The following FCRL1 variants were observed in gnomAD, a reference collection of about 807,000 sequenced individuals.
FCRL1 encodes the protein Fc receptor-like protein 1.
A neutral mutation model predicts 49.2 loss-of-function variants in FCRL1; 34 were observed. The observed-to-expected ratio is 0.69, with a 90% CI of 0.53 to 0.92. FCRL1 has a LOEUF of 0.92. Ranked by LOEUF, FCRL1 falls within the 40% of genes least tolerant of loss-of-function variation. The pLI, the probability that FCRL1 is intolerant of heterozygous loss-of-function variation, is 0.00. For missense variants in FCRL1, 524 were observed against 524.1 expected, an observed-to-expected ratio of 1.00 and a Z score of 0.00; for synonymous variants, 218 against 201.6, an observed-to-expected ratio of 1.08 and a Z score of -0.69.
chr1:157,803,813 T>G (rs1448326571), intron 3 of FCRL1, 32 bp downstream of exon 3: 1 of 1,605,254 alleles, frequency 6.2e-7, no homozygotes, highest in East Asian at 2.2e-5. Flanking sequence ...CTTCTCAGCC[T>G]ATCCTGGCAG....
At chr1:157,815,221 C>G (rs1051948729) in intron 1 of FCRL1, among the ~76,000 whole-genome samples, 1 of 151,762 alleles carries the variant, frequency 6.6e-6, no homozygotes, top group African/African-American at 2.4e-5. Flanking sequence ...AATGTCTTAA[C>G]AAATTTAAAA....
At chr1:157,814,349 T>C (rs1571412778) in intron 1 of FCRL1, among the ~76,000 whole-genome samples, 1 of 152,052 alleles carries the variant, frequency 6.6e-6, no homozygotes, top group East Asian at 1.9e-4. Flanking sequence ...ATGGCGGCAA[T>C]GGTAAATGTC....
At chr1:157,800,126 C>T in intron 6 of FCRL1, 41 bp from the exon 7 acceptor site, 2 of 1,604,954 alleles carry the variant, frequency 1.2e-6, no homozygotes, top group Non-Finnish European at 1.7e-6. Context: ...AATGGAAGAA[C>T]CCTCACTGTC....
rs1652670910 is a variant in FCRL1, at chr1:157,802,377, T to C, written c.607A>G (p.Ile203Val). The C allele has an allele frequency of 6.2e-7, 1 of 1,613,802 alleles. No homozygotes were observed. The highest frequency in any genetic ancestry group is 8.5e-7 in the Non-Finnish European group (1 of 1,179,764). The change falls in exon 4 of 11, where the codon ATC (isoleucine) becomes GTC (valine). Residue 203 changes from isoleucine (I) to valine (V), a missense_variant and splice_region_variant. Transcript: ENST00000368176. ...PSGLVSITVR[I>V]PVSRPILMLR... is the part of the protein sequence containing the mutation. The stretch of plus-strand genomic sequence containing the variant: ...CTGAACGAAGGGTAGTGGAACTTAC[T>C]TCTGACAGTGATGCTCACCAGCCCA...
intron 1 of FCRL1, among the ~76,000 whole-genome samples, chr1:157,813,478 C>T (rs754861806): frequency 2.6e-5 from 4 of 152,110 alleles, no homozygotes; most frequent in Non-Finnish European, 5.9e-5. Flanking sequence ...AGAGTTTCAA[C>T]AGCAAACCAG....
intron 9 of FCRL1, among the ~76,000 whole-genome samples, chr1:157,797,348 T>C (rs918982953): frequency 6.6e-6 from 1 of 152,186 alleles, no homozygotes; most frequent in Non-Finnish European, 1.5e-5. Flanking sequence ...GTAGACCCTC[T>C]ATGCCAGGAG....
At position 157,795,951 on chromosome 1, in the gene FCRL1, T is replaced by C. The variant is rs1177663645; in HGVS notation, c.*148A>G. Reference sequence around the variant, plus strand: ...TTCTTCAGGGCTGCGCCAACTTCACTTCACAGTAGATGAAGGAATAGTGCC... The same window carrying C: ...TTCTTCAGGGCTGCGCCAACTTCACCTCACAGTAGATGAAGGAATAGTGCC... On this transcript the variant is annotated 3_prime_UTR_variant, in exon 11 of 11. Coordinates refer to ENST00000368176, the MANE Select transcript of FCRL1 (RefSeq NM_052938.5). 1.7e-5 allele frequency: 12 copies of C among 692,638 alleles called. No homozygotes were observed. Among genetic ancestry groups the C allele is most frequent in the Admixed American group, 7.3e-5 (3 of 41,068 alleles). The allele number at this position is 692,638 out of a possible 1,614,324, so 42.9% of individuals were successfully genotyped here.
chr1:157,797,794 G>T, intron 9 of FCRL1, 74 bp downstream of exon 9: 1 of 1,611,796 alleles, frequency 6.2e-7, no homozygotes, highest in Non-Finnish European at 8.5e-7. Flanking sequence ...TGTCTGCCAT[G>T]CACAGCCACT....
Position 157,801,572 on chromosome 1 carries a change from T to G in FCRL1, c.892A>C (p.Thr298Pro), listed in dbSNP as rs1238239468. 2.5e-6 allele frequency: 4 copies of G among 1,609,724 alleles called. No homozygotes were observed. The African/African-American group carries it at 5.3e-5, about 22-fold the overall frequency. Reference protein sequence around the residue: ...EAVTLNFTVPTGARSNHLTSG... With the variant: ...EAVTLNFTVPPGARSNHLTSG... The stretch of plus-strand genomic sequence containing the variant: ...GTAAGATGATTGCTTCTGGCCCCAG[T>G]AGGCACTAGAGGGAGAGACCTGTGC... The change falls in exon 6 of 11, where the codon ACT becomes CCT. Residue 298 changes from threonine to proline, a missense_variant. Transcript: ENST00000368176.
intron 1 of FCRL1, among the ~76,000 whole-genome samples, chr1:157,807,387 G>T (rs1029059135): frequency 6.6e-6 from 1 of 151,914 alleles, no homozygotes; most frequent in Non-Finnish European, 1.5e-5. Flanking sequence ...CAGAGCACCT[G>T]CCCACAGAAC....
At chr1:157,801,314 G>T in intron 6 of FCRL1, 147 bp downstream of exon 6, 1 of 659,290 alleles carries the variant, frequency 1.5e-6, no homozygotes. Flanking sequence ...AATAGGCACT[G>T]TTCCTACCCG....
At chr1:157,797,257 C>G in intron 9 of FCRL1, 125 bp from the exon 10 acceptor site, 1 of 1,028,328 alleles carries the variant, frequency 9.7e-7, no homozygotes, top group South Asian at 1.4e-5. Context: ...TTAATATTTT[C>G]TGTCTTGCTT....
rs1651441317 is a variant in FCRL1 at position 157,796,190 on chromosome 1, C to T, written c.1219-20G>A. 2 of 1,608,890 alleles carry T rather than the reference C, an allele frequency of 1.2e-6. No individual in the cohort carries two copies. Among genetic ancestry groups the T allele is most frequent in the Admixed American group, 1.7e-5 (1 of 59,970 alleles). On this transcript the variant is annotated intron_variant, in intron 10 of 10. Coordinates refer to ENST00000368176, the MANE Select transcript of FCRL1 (RefSeq NM_052938.5). ...GGAAACCTGGAAGCAAAGATTAGGA[C>T]TAGAGCAGGGAAGACAAGCAGAACA...
chr1:157,799,654 G>A (rs1652104364), intron 7 of FCRL1, among the ~76,000 whole-genome samples: 1 of 152,012 alleles, frequency 6.6e-6, no homozygotes, highest in South Asian at 2.1e-4. Flanking sequence ...GTGCGGGGGA[G>A]GAGGGAGGGA....
intron 1 of FCRL1, among the ~76,000 whole-genome samples, chr1:157,808,062 T>C (rs1038150125): frequency 6.6e-6 from 1 of 152,228 alleles, no homozygotes; most frequent in Non-Finnish European, 1.5e-5. Context: ...GAATAATTAG[T>C]TCCTTAGGTA....
rs1036752223 is a variant in FCRL1, at chr1:157,801,503, T to C, written c.961A>G (p.Thr321Ala). 2 of 1,613,934 alleles carry C rather than the reference T, an allele frequency of 1.2e-6. No homozygotes were observed. The highest frequency in any genetic ancestry group is 1.3e-5 in the African/African-American group (1 of 74,910). The change falls in exon 6 of 11, where the codon ACC (threonine) becomes GCC (alanine). Residue 321 changes from threonine (T) to alanine (A), a missense_variant. By Grantham distance (58) the Thr-to-Ala change is moderately conservative. Transcript: ENST00000368176. Reference sequence around the variant, plus strand: ...CCGTAGCAAAATAATAAGGCCACGGTGGCTGGACCAAGGGTGCTGAGCAGC... The same window carrying C: ...CCGTAGCAAAATAATAAGGCCACGGCGGCTGGACCAAGGGTGCTGAGCAGC... ...EGLLSTLGPA[T>A]VALLFCYGLK...
intron 7 of FCRL1, among the ~76,000 whole-genome samples, chr1:157,798,700 T>C (rs750308730): frequency 1.3e-5 from 2 of 152,054 alleles, no homozygotes; most frequent in Non-Finnish European, 2.9e-5. Flanking sequence ...TAAATGATAA[T>C]ACATTATATT....
chr1:157,808,481 G>T (rs542184192), intron 1 of FCRL1, among the ~76,000 whole-genome samples: 1 of 152,168 alleles, frequency 6.6e-6, no homozygotes, highest in African/African-American at 2.4e-5. Context: ...GAGGAAATAC[G>T]CTTGTACAAG....
At chr1:157,819,483 GA>G (rs1655496547) in intron 1 of FCRL1, among the ~76,000 whole-genome samples, 1 of 152,122 alleles carries the variant, frequency 6.6e-6, no homozygotes, top group Non-Finnish European at 1.5e-5. Flanking sequence ...ACTGATAATG[GA>G]AAAGTAGCCC....
Sources: allele counts gnomAD v4.1 joint callset (sites outside exome capture counted in the v4.1 genomes callset), GRCh38; gene constraint gnomAD v4.1.1; transcripts MANE v1.5; gene names NCBI Gene and HGNC (gene_info 2026-07-23, HGNC 2026-07-21).